The following IQGAP3 variants were observed in gnomAD, a reference collection of about 807,000 sequenced individuals.
IQGAP3 encodes IQ motif containing GTPase activating protein 3, also known as ras GTPase-activating-like protein IQGAP3.
A neutral mutation model predicts 208.2 loss-of-function variants in IQGAP3; 165 were observed. The ratio of observed to expected loss-of-function variants is 0.79; its 90% CI spans 0.70 to 0.90. The LOEUF is 0.90. Ranked by LOEUF, IQGAP3 falls within the 40% of genes least tolerant of loss-of-function variation. The pLI is 0.00. For missense variants in IQGAP3, 1,811 were observed against 2,043.1 expected (o/e 0.89, Z 2.19); for synonymous variants, 703 against 803.6 (o/e 0.87, Z 2.12).
chr1:156,563,928 A>T lies in IQGAP3; in HGVS notation c.438-104T>A, dbSNP rs1676284308. The T allele has an allele frequency of 5.0e-6, 4 of 806,172 alleles. No individual in the cohort carries two copies. In the East Asian group the frequency reaches 1.1e-4, roughly 21 times the overall value. 49.9% of individuals were successfully genotyped at this position (806,172 alleles called of 1,614,324 possible). A position where few individuals can be genotyped will look rare whatever the true frequency, so the allele number is the denominator to read the frequency against. ...ATACTATGGGGACCTAGAGATGAAG[A>T]CCACTCAGCACCTGCCCTCAAGTCA... is the stretch of plus-strand genomic sequence containing the variant. On this transcript the variant is annotated intron_variant, in intron 5 of 37. Coordinates refer to ENST00000361170, the MANE Select transcript of IQGAP3 (RefSeq NM_178229.5).
In IQGAP3 at chr1:156,527,938, G is replaced by A. The variant is rs773638731; in HGVS notation, c.4782+14C>T. 5.1e-6 allele frequency: 8 copies of A among 1,576,364 alleles called. No individual in the cohort carries two copies. The South Asian group carries it at 7.8e-5, about 15-fold the overall frequency. ...CAGCAGATGTCCTGCAGGCTCATGG[G>A]ACTGTCCCCTCACCTGATAGTGAAG... On this transcript the variant is annotated intron_variant, in intron 37 of 37. Transcript: ENST00000361170.
Position 156,561,975 on chromosome 1 carries a change from C to A in IQGAP3, c.904G>T (p.Asp302Tyr). 6.2e-7 allele frequency: 1 copy of A among 1,612,944 alleles called. No individual in the cohort carries two copies. Among genetic ancestry groups the A allele is most frequent in the South Asian group, 1.1e-5 (1 of 90,964 alleles). The change falls in exon 10 of 38, where the codon GAT becomes TAT. Residue 302 changes from aspartate to tyrosine, a missense_variant. Coordinates refer to ENST00000361170, the MANE Select transcript of IQGAP3 (RefSeq NM_178229.5). ...TCAGGGCTCTGTCTTTCCAGGGCATCATCAACAACTTCTAGAGCCCCATGG... is the reference window on the plus strand; with the variant it reads ...TCAGGGCTCTGTCTTTCCAGGGCATAATCAACAACTTCTAGAGCCCCATGG... ...NVHGALEVVD[D>Y]ALERQSPEAL...
At chr1:156,563,520 C>T in intron 7 of IQGAP3, 33 bp downstream of exon 7, 2 of 1,564,882 alleles carry the variant, frequency 1.3e-6, no homozygotes, top group Non-Finnish European at 1.8e-6. Context: ...ACGCATTGAG[C>T]CTACTCCTGG....
chr1:156,534,126 T>G lies in IQGAP3; in HGVS notation c.3756A>C (p.Arg1252Ser), dbSNP rs1183205478. 1.2e-6 allele frequency: 2 copies of G among 1,613,618 alleles called. No individual in the cohort carries two copies. The highest frequency in any genetic ancestry group is 1.3e-5 in the African/African-American group (1 of 74,886). ...CCTCTGGCTCTGGCACCTGGCAGGC[T>G]CTATGGATGAACTTCCTGTCCAGAG... ...THLKFRKFIH[R>S]ACQVPEPEER... The change falls in exon 30 of 38, where the codon AGA (arginine) becomes AGC (serine). Residue 1252 changes from arginine (R) to serine (S), a missense_variant. Transcript: ENST00000361170.
rs200271139 is a variant in IQGAP3, at chr1:156,535,204, C to T, written c.3466G>A (p.Ala1156Thr). 27 of 1,613,486 alleles carry T rather than the reference C, an allele frequency of 1.7e-5. No homozygotes were observed. Among genetic ancestry groups the T allele is most frequent in the South Asian group, 2.2e-5 (2 of 91,034 alleles). ...YVAKVLKATL[A>T]EKFPDATDSE... ...TCTGTGGCGTCAGGGAATTTCTCTGCCAGAGTTGCCTTCAGGACTTTGGCC... is the reference window on the plus strand; with the variant it reads ...TCTGTGGCGTCAGGGAATTTCTCTGTCAGAGTTGCCTTCAGGACTTTGGCC... Residue 1156 changes from alanine to threonine, a missense_variant, in exon 28 of 38, where the codon GCA becomes ACA. Ala to Thr is a moderately conservative substitution (Grantham distance 58, BLOSUM62 0). Transcript: ENST00000361170.
At position 156,551,800 on chromosome 1, in the gene IQGAP3, G is replaced by A; in HGVS notation, c.1639C>T (p.Leu547=). ...TCTAGGCCAGCTGCAGGAAGCAGTA[G>A]GGCAGACAGAGTCTTCTCAGGGCTG... The part of the protein sequence containing the change: ...KGSPEKTLSA[L]LLPAAGLDDV... Residue 547 remains leucine, a synonymous_variant, in exon 15 of 38, where the codon CTA becomes TTA. Coordinates refer to ENST00000361170, the MANE Select transcript of IQGAP3 (RefSeq NM_178229.5). 3.7e-6 allele frequency: 6 copies of A among 1,614,018 alleles called. No homozygotes were observed. The highest frequency in any genetic ancestry group is 5.1e-6 in the Non-Finnish European group (6 of 1,179,978).
chr1:156,532,836 A>C, intron 32 of IQGAP3, 144 bp downstream of exon 32: 2 of 775,664 alleles, frequency 2.6e-6, no homozygotes, highest in East Asian at 2.8e-5. Flanking sequence ...AGCGAGGGGA[A>C]TAAAGGTAGG....
Position 156,539,491 on chromosome 1 carries a change from T to C in IQGAP3, c.2939A>G (p.Asn980Ser). The C allele has an allele frequency of 6.2e-7, 1 of 1,614,196 alleles. No homozygotes were observed. Among genetic ancestry groups the C allele is most frequent in the Non-Finnish European group, 8.5e-7 (1 of 1,180,028 alleles). Reference sequence around the variant, plus strand: ...TGCCTCCATGAACTTGGTGGTTTTGTTCTGTGGCATCTGAAAGATCAGCTT... The same window carrying C: ...TGCCTCCATGAACTTGGTGGTTTTGCTCTGTGGCATCTGAAAGATCAGCTT... Reference protein sequence around the residue: ...LAKLIFQMPQNKTTKFMEAVI... With the variant: ...LAKLIFQMPQSKTTKFMEAVI... The change falls in exon 25 of 38, where the codon AAC (asparagine) becomes AGC (serine). Residue 980 changes from asparagine to serine, a missense_variant. Transcript: ENST00000361170.
chr1:156,561,054 T>G, intron 10 of IQGAP3, 33 bp from the exon 11 acceptor site: 1 of 1,495,206 alleles, frequency 6.7e-7, no homozygotes, highest in Non-Finnish European at 9.3e-7. Context: ...TAGAATGGAG[T>G]CCTTCCGGGG....
Position 156,570,144 on chromosome 1 carries a change from T to C in IQGAP3, c.38-681A>G, listed in dbSNP as rs563771234. Reference sequence around the variant, plus strand: ...TCCTCGTTGGTTACTCTCTCAGAGGTGAGGTAATAGAACCAACCAGAATTC... The same window carrying C: ...TCCTCGTTGGTTACTCTCTCAGAGGCGAGGTAATAGAACCAACCAGAATTC... On this transcript the variant is annotated intron_variant, in intron 1 of 37. Coordinates refer to ENST00000361170, the MANE Select transcript of IQGAP3 (RefSeq NM_178229.5). 7.9e-5 allele frequency among the ~76,000 whole-genome samples: 12 copies of C among 152,270 alleles called. No individual in the cohort carries two copies. The South Asian group carries it at 2.5e-3, about 32-fold the overall frequency.
In IQGAP3 at chr1:156,566,050, T is replaced by C. The variant is rs1247791465; in HGVS notation, c.337A>G (p.Ile113Val). The part of the protein sequence containing the change: ...TDNINFWLSA[I>V]AHIGLPSTFF... ...ACCGAAGGCAGACCGATGTGGGCTA[T>C]TGCAGATAGCCAAAAGTTGATGTTG... The change falls in exon 4 of 38, where the codon ATA becomes GTA. Residue 113 changes from isoleucine (I) to valine (V), a missense_variant. Ile to Val is a conservative substitution (Grantham distance 29, BLOSUM62 3). Transcript: ENST00000361170. 3 of 1,613,796 alleles carry C rather than the reference T, an allele frequency of 1.9e-6. No homozygotes were observed. The highest frequency in any genetic ancestry group is 2.7e-5 in the African/African-American group (2 of 74,920).
rs759066059 is a variant in IQGAP3, at chr1:156,572,535, T to A, written c.-6A>T. On this transcript the variant is annotated 5_prime_UTR_variant, in exon 1 of 38. Transcript: ENST00000361170. ...CCCGCTGCTCTCCTCTCCATGTTCC[T>A]CCTTCTTCCAGGTTTGAATCTCCCG... The A allele has an allele frequency of 1.6e-5, 25 of 1,612,762 alleles. No homozygotes were observed. The highest frequency in any genetic ancestry group is 1.9e-5 in the Non-Finnish European group (23 of 1,179,928).
At chr1:156,566,301 A>C (rs910696041) in intron 3 of IQGAP3, 89 bp downstream of exon 3, 2 of 1,392,552 alleles carry the variant, frequency 1.4e-6, no homozygotes, top group Non-Finnish European at 1.0e-6. Context: ...TTTGGACAAT[A>C]AGTTATATGG....
intron 11 of IQGAP3, among the ~76,000 whole-genome samples, chr1:156,559,268 G>T (rs1164374198): frequency 6.6e-6 from 1 of 152,172 alleles, no homozygotes; most frequent in East Asian, 1.9e-4. Context: ...TAGTCAGGGG[G>T]CTCTAGGGAC....
intron 19 of IQGAP3, among the ~76,000 whole-genome samples, chr1:156,547,780 A>C (rs913026790): frequency 1.3e-5 from 2 of 152,210 alleles, no homozygotes; most frequent in Non-Finnish European, 2.9e-5. Context: ...TAATCCTCAT[A>C]ACAACTCTAT....
intron 15 of IQGAP3, among the ~76,000 whole-genome samples, chr1:156,551,098 C>T (rs1675525169): frequency 6.6e-6 from 1 of 152,202 alleles, no homozygotes; most frequent in South Asian, 2.1e-4. Flanking sequence ...AGTAAGGACT[C>T]AATAAATGTT....
rs1475734371 is a variant in IQGAP3, at chr1:156,548,371, G to A, written c.2110C>T (p.His704Tyr). 8 of 1,613,878 alleles carry A rather than the reference G, an allele frequency of 5.0e-6. No homozygotes were observed. Among genetic ancestry groups the A allele is most frequent in the Middle Eastern group, 1.6e-4 (1 of 6,084 alleles). Residue 704 changes from histidine (H) to tyrosine (Y), a missense_variant, in exon 18 of 38, where the codon CAC (histidine) becomes TAC (tyrosine). Physicochemically the swap from His to Tyr is moderately conservative, Grantham distance 83. Transcript: ENST00000361170. ...ACCTGGATCTCCTCCCGGGTCAGGT[G>A]AGAGGTGTTGAGGGGGCAGCCAGGA... ...QPPGCPLNTSHLTREEIQSAV... is the reference protein window; with the variant it reads ...QPPGCPLNTSYLTREEIQSAV...
chr1:156,561,373 G>T (rs550329110), intron 10 of IQGAP3, among the ~76,000 whole-genome samples: 7 of 152,196 alleles, frequency 4.6e-5, no homozygotes, highest in African/African-American at 1.4e-4. Flanking sequence ...CACTATATTG[G>T]CCAGGCTGGT....
At chr1:156,539,640 G>A (rs2102380567) in intron 24 of IQGAP3, 103 bp from the exon 25 acceptor site, 4 of 1,318,484 alleles carry the variant, frequency 3.0e-6, no homozygotes, top group Non-Finnish European at 4.3e-6. Flanking sequence ...AATGGAGAAA[G>A]CACTACCACA....
Sources: allele counts gnomAD v4.1 joint callset (sites outside exome capture counted in the v4.1 genomes callset), GRCh38; gene constraint gnomAD v4.1.1; transcripts MANE v1.5; gene names NCBI Gene and HGNC (gene_info 2026-07-23, HGNC 2026-07-21).